CFDP1: variants seen among roughly 807,000 people sequenced by gnomAD.
CFDP1 encodes chromatin remodeling protein CFDP1.
A neutral mutation model predicts 40.1 loss-of-function variants in CFDP1; 31 were observed. That is an observed-to-expected ratio of 0.77 (90% CI 0.58 to 1.04). The LOEUF is 1.04. CFDP1 is among the 50% of genes least tolerant of loss of function. The pLI, the probability that CFDP1 is intolerant of heterozygous loss-of-function variation, is 0.00. For missense variants in CFDP1, 423 were observed against 343.4 expected, an observed-to-expected ratio of 1.23 and a Z score of -1.83; for synonymous variants, 167 against 120.0, an observed-to-expected ratio of 1.39 and a Z score of -2.56.
chr16:75,365,479 T>C (rs2151534502), intron 5 of CFDP1, among the ~76,000 whole-genome samples: 1 of 152,260 alleles, frequency 6.6e-6, no homozygotes, highest in African/African-American at 2.4e-5. Context: ...AGCAGAAAGA[T>C]GCTTCTCCAT....
intron 1 of CFDP1, among the ~76,000 whole-genome samples, chr16:75,420,480 G>C (rs2079265411): frequency 6.6e-6 from 1 of 152,220 alleles, no homozygotes; most frequent in Admixed American, 6.6e-5. Context: ...ACATGCTGCA[G>C]GATGTATGGC....
chr16:75,426,133 C>G (rs2079340619), intron 1 of CFDP1, among the ~76,000 whole-genome samples: 1 of 149,592 alleles, frequency 6.7e-6, no homozygotes, highest in Non-Finnish European at 1.5e-5. Flanking sequence ...GGCGGATCAC[C>G]TGAGGTTGGG....
intron 5 of CFDP1, among the ~76,000 whole-genome samples, chr16:75,323,983 T>A (rs1456137861): frequency 6.6e-6 from 1 of 152,216 alleles, no homozygotes; most frequent in Non-Finnish European, 1.5e-5. Context: ...AAAATGAAGA[T>A]AATAAGAACT....
intron 5 of CFDP1, among the ~76,000 whole-genome samples, chr16:75,363,614 T>C (rs187743100): frequency 1.1e-3 from 163 of 152,210 alleles, no homozygotes; most frequent in African/African-American, 3.7e-3. Context: ...CAGGCTGATC[T>C]CAAACACCTG....
intron 5 of CFDP1, among the ~76,000 whole-genome samples, chr16:75,309,819 C>CAAAAAAAA: frequency 2.2e-5 from 1 of 46,480 alleles, no homozygotes; most frequent in Non-Finnish European, 3.5e-5. Flanking sequence ...GACTCCATCT[C>CAAAAAAAA]AAAAAAAAAA....
At chr16:75,379,451 A>G (rs190432540) in intron 5 of CFDP1, among the ~76,000 whole-genome samples, 74 of 152,328 alleles carry the variant, frequency 4.9e-4, no homozygotes, top group African/African-American at 1.7e-3. Context: ...TTCTACCCAA[A>G]TAAATTTGGC....
chr16:75,357,145 T>C (rs911000666), intron 5 of CFDP1, among the ~76,000 whole-genome samples: 1 of 152,128 alleles, frequency 6.6e-6, no homozygotes, highest in Admixed American at 6.5e-5. Flanking sequence ...ACTTCTGGCC[T>C]CATGTGATCC....
At chr16:75,407,636 C>A in intron 4 of CFDP1, among the ~76,000 whole-genome samples, 1 of 117,164 alleles carries the variant, frequency 8.5e-6, no homozygotes. Flanking sequence ...GCGTGAATGA[C>A]AGAGCAAGAC....
intron 5 of CFDP1, 107 bp downstream of exon 5, chr16:75,394,983 A>G (rs2078984046): frequency 7.4e-7 from 1 of 1,356,970 alleles, no homozygotes; most frequent in African/African-American, 1.5e-5. Context: ...CAGCATCATA[A>G]TTCTCTCTCT....
chr16:75,305,049 C>T lies in CFDP1; in HGVS notation c.784G>A (p.Ala262Thr). Residue 262 changes from alanine to threonine, a missense_variant, in exon 6 of 7, where the codon GCC (alanine) becomes ACC (threonine). Transcript: ENST00000283882. ...KEEEGIGEEL[A>T]IHNRGKEGYI... ...CCCTCTTTCCCTCGATTATGGATGG[C>T]CAGTTCTTCACCAATCCCCTCTTCC... is the stretch of plus-strand genomic sequence containing the variant. The T allele has an allele frequency of 6.2e-7, 1 of 1,614,080 alleles. No individual in the cohort carries two copies. Among genetic ancestry groups the T allele is most frequent in the Non-Finnish European group, 8.5e-7 (1 of 1,179,980 alleles).
At chr16:75,327,223 A>G (rs2078408745) in intron 5 of CFDP1, among the ~76,000 whole-genome samples, 2 of 152,160 alleles carry the variant, frequency 1.3e-5, no homozygotes, top group African/African-American at 2.4e-5. Flanking sequence ...GCCAAGATAG[A>G]GCCACTGCAC....
intron 4 of CFDP1, among the ~76,000 whole-genome samples, chr16:75,409,161 T>C (rs2079133163): frequency 6.6e-6 from 1 of 152,012 alleles, no homozygotes; most frequent in Non-Finnish European, 1.5e-5. Context: ...GCCAGGCCAG[T>C]TTTTTGTTTT....
chr16:75,382,831 A>T (rs1009374306), intron 5 of CFDP1, among the ~76,000 whole-genome samples: 1 of 152,156 alleles, frequency 6.6e-6, no homozygotes, highest in African/African-American at 2.4e-5. Flanking sequence ...TGTGGGGGAA[A>T]ACTCTTCTCC....
intron 1 of CFDP1, among the ~76,000 whole-genome samples, chr16:75,422,396 C>CTTT (rs765465924): frequency 5.4e-5 from 7 of 129,474 alleles, no homozygotes; most frequent in African/African-American, 1.8e-4. Context: ...CGTATGGCCT[C>CTTT]TTTTTTTTTT....
At position 75,414,609 on chromosome 16, in the gene CFDP1, T is replaced by C. The variant is rs2079188697; in HGVS notation, c.151A>G (p.Lys51Glu). Reference sequence around the variant, plus strand: ...GGAATGCTCTGGGCCTTTCTTTTTTTCCCTTGGGTTTTCTGTGTCTGCTCT... The same window carrying C: ...GGAATGCTCTGGGCCTTTCTTTTTTCCCCTTGGGTTTTCTGTGTCTGCTCT... ...GEEQTQKTQGKKRKAQSIPAR... is the reference protein window; with the variant it reads ...GEEQTQKTQGEKRKAQSIPAR... Residue 51 changes from lysine (K) to glutamate (E), a missense_variant, in exon 2 of 7, where the codon AAA (lysine) becomes GAA (glutamate). Lys to Glu is a moderately conservative substitution (Grantham distance 56). Coordinates refer to ENST00000283882, the MANE Select transcript of CFDP1 (RefSeq NM_006324.3). The C allele has an allele frequency of 4.3e-6, 7 of 1,613,826 alleles. No homozygotes were observed. The East Asian group carries it at 6.7e-5, about 15-fold the overall frequency.
At chr16:75,297,848 C>A (rs2078194869) in intron 6 of CFDP1, among the ~76,000 whole-genome samples, 1 of 152,046 alleles carries the variant, frequency 6.6e-6, no homozygotes, top group Non-Finnish European at 1.5e-5. Context: ...GAGATCTAGG[C>A]CAATGAAAAG....
chr16:75,408,154 G>A (rs2079120238), intron 4 of CFDP1, among the ~76,000 whole-genome samples: 1 of 151,698 alleles, frequency 6.6e-6, no homozygotes, highest in African/African-American at 2.4e-5. Context: ...GAGGGAAGGA[G>A]GAGAGAGAAA....
chr16:75,389,784 C>T (rs2078932356), intron 5 of CFDP1, among the ~76,000 whole-genome samples: 1 of 152,194 alleles, frequency 6.6e-6, no homozygotes, highest in African/African-American at 2.4e-5. Flanking sequence ...ATGGAGTCTG[C>T]TGACAGATAC....
At chr16:75,397,925 A>G (rs768830766) in intron 4 of CFDP1, among the ~76,000 whole-genome samples, 2 of 152,242 alleles carry the variant, frequency 1.3e-5, no homozygotes, top group Non-Finnish European at 1.5e-5. Context: ...AGCTGATCTG[A>G]GAGGAACAGA....
Sources: gnomAD v4.1 joint callset for allele counts (sites outside exome capture counted in the v4.1 genomes callset) on GRCh38, gnomAD v4.1.1 for gene constraint, MANE v1.5 for transcripts, NCBI Gene and HGNC (gene_info 2026-07-23, HGNC 2026-07-21) for gene names.